Variants in KCNIP4 observed in about 807,000 individuals in gnomAD.
The protein encoded by KCNIP4 is Kv channel-interacting protein 4.
A neutral mutation model predicts 34.0 loss-of-function variants in KCNIP4; 12 were observed. The observed-to-expected ratio is 0.35, with a 90% CI of 0.23 to 0.57. KCNIP4 has a LOEUF of 0.57. KCNIP4 is among the 20% of genes least tolerant of loss of function. The pLI is 0.83. For missense variants in KCNIP4, 238 were observed against 311.7 expected, an observed-to-expected ratio of 0.76 and a Z score of 1.78; for synonymous variants, 124 against 102.2, an observed-to-expected ratio of 1.21 and a Z score of -1.29.
intron 1 of KCNIP4, among the ~76,000 whole-genome samples, chr4:20,989,748 C>T (rs1220769727): frequency 2.0e-5 from 3 of 152,000 alleles, no homozygotes; most frequent in East Asian, 1.9e-4. Context: ...GTGGGTAGAT[C>T]GCTTGAGTTC....
At chr4:21,722,667 G>A (rs1714900918) in intron 1 of KCNIP4, among the ~76,000 whole-genome samples, 1 of 152,080 alleles carries the variant, frequency 6.6e-6, no homozygotes, top group Non-Finnish European at 1.5e-5. Flanking sequence ...AGCAAATTTG[G>A]CAAGATCATA....
At chr4:21,126,492 ACAGAACT>A (rs1019468498) in intron 1 of KCNIP4, among the ~76,000 whole-genome samples, 6 of 152,156 alleles carry the variant, frequency 3.9e-5, no homozygotes, top group Admixed American at 3.9e-4. Flanking sequence ...CCCAACTCAA[ACAGAACT>A]CAGATTTGAG....
chr4:20,821,137 T>C (rs983508688), intron 3 of KCNIP4, among the ~76,000 whole-genome samples: 1 of 152,216 alleles, frequency 6.6e-6, no homozygotes. Flanking sequence ...AACTAAGCCA[T>C]GGACGGGTCT....
intron 1 of KCNIP4, among the ~76,000 whole-genome samples, chr4:20,930,522 A>C (rs1217855919): frequency 6.6e-6 from 1 of 152,090 alleles, no homozygotes; most frequent in Non-Finnish European, 1.5e-5. Context: ...AACTACATCA[A>C]ACTACAAAGT....
chr4:20,729,849 G>GAGTATGAAAT lies in KCNIP4; in HGVS notation c.*223_*232dup. 1 of 400,202 alleles carries GAGTATGAAAT rather than the reference G, an allele frequency of 2.5e-6. No homozygotes were observed. Among genetic ancestry groups the GAGTATGAAAT allele is most frequent in the South Asian group, 9.3e-5 (1 of 10,764 alleles). 24.8% of individuals were successfully genotyped at this position (400,202 alleles called of 1,614,324 possible). A position where few individuals can be genotyped will look rare whatever the true frequency, so the allele number is the denominator to read the frequency against. The stretch of plus-strand genomic sequence containing the variant: ...ATTCTATTACTTTTGAATATTCACA[G>GAGTATGAAAT]AGTATGAAATGAGTTAGACCATCCC... On this transcript the variant is annotated 3_prime_UTR_variant, in exon 9 of 9. Coordinates refer to ENST00000382152, the MANE Select transcript of KCNIP4 (RefSeq NM_025221.6).
chr4:21,905,875 C>T (rs1182280773), intron 1 of KCNIP4, among the ~76,000 whole-genome samples: 3 of 152,098 alleles, frequency 2.0e-5, no homozygotes, highest in Non-Finnish European at 4.4e-5. Context: ...CAGACTCACC[C>T]CATGGGCATT....
chr4:21,106,821 G>A (rs1205355661), intron 1 of KCNIP4, among the ~76,000 whole-genome samples: 1 of 151,566 alleles, frequency 6.6e-6, no homozygotes, highest in Non-Finnish European at 1.5e-5. Context: ...TGGTGTCAAA[G>A]AATATCTTTA....
At chr4:21,869,749 GA>G (rs1725655353) in intron 1 of KCNIP4, among the ~76,000 whole-genome samples, 1 of 149,222 alleles carries the variant, frequency 6.7e-6, no homozygotes, top group Non-Finnish European at 1.5e-5. Context: ...TAGATAGATA[GA>G]TAGATAGATA....
At chr4:20,871,339 A>C (rs1330133275) in intron 2 of KCNIP4, among the ~76,000 whole-genome samples, 3 of 152,136 alleles carry the variant, frequency 2.0e-5, no homozygotes, top group Non-Finnish European at 4.4e-5. Flanking sequence ...GAAGATGTGA[A>C]TATCAGAGTC....
rs190366902 is a variant in KCNIP4, at chr4:21,622,354, G to A, written c.61+326217C>T. ...TGATATGTATAATCAGTTTTTCCATGTGTTTTCTCAACCTTTTGCCTGCCT... is the reference window on the plus strand; with the variant it reads ...TGATATGTATAATCAGTTTTTCCATATGTTTTCTCAACCTTTTGCCTGCCT... On this transcript the variant is annotated intron_variant, in intron 1 of 8. Coordinates refer to ENST00000382152, the MANE Select transcript of KCNIP4 (RefSeq NM_025221.6). Among the ~76,000 whole-genome samples, 949 of 152,204 alleles carry A rather than the reference G, an allele frequency of 6.2e-3. 6 individuals are homozygous for A. Among genetic ancestry groups the A allele is most frequent in the Middle Eastern group, 0.027 (8 of 294 alleles).
intron 1 of KCNIP4, among the ~76,000 whole-genome samples, chr4:21,410,931 C>G (rs571649236): frequency 2.6e-5 from 4 of 151,948 alleles, no homozygotes; most frequent in Admixed American, 6.6e-5. Context: ...ATTGGATGGC[C>G]CACAGACAGA....
At chr4:21,620,688 G>A (rs1054199960) in intron 1 of KCNIP4, among the ~76,000 whole-genome samples, 1 of 152,168 alleles carries the variant, frequency 6.6e-6, no homozygotes, top group Non-Finnish European at 1.5e-5. Flanking sequence ...ATCAGCCCTA[G>A]CTAAGTTTCC....
At position 21,772,600 on chromosome 4, in the gene KCNIP4, A is replaced by G. The variant is rs1405312291; in HGVS notation, c.61+175971T>C. On this transcript the variant is annotated intron_variant, in intron 1 of 8. Transcript: ENST00000382152. The stretch of plus-strand genomic sequence containing the variant: ...GGCTATTAATTACCGCCTCAATTTT[A>G]GAGCTTTTTGTCTCTTCAGGGATTC... 2.0e-5 allele frequency among the ~76,000 whole-genome samples: 3 copies of G among 152,022 alleles called. No individual in the cohort carries two copies. The East Asian group carries it at 5.8e-4, about 29-fold the overall frequency.
intron 1 of KCNIP4, among the ~76,000 whole-genome samples, chr4:21,940,181 T>C (rs1310784735): frequency 6.6e-6 from 1 of 152,180 alleles, no homozygotes; most frequent in African/African-American, 2.4e-5. Flanking sequence ...GTAATGTCTT[T>C]AGGTGACTGA....
intron 2 of KCNIP4, among the ~76,000 whole-genome samples, chr4:20,858,638 C>T (rs1035281746): frequency 1.3e-5 from 2 of 152,164 alleles, no homozygotes; most frequent in Non-Finnish European, 2.9e-5. Context: ...CCAAGCAACT[C>T]TTGGCCAAAT....
intron 1 of KCNIP4, among the ~76,000 whole-genome samples, chr4:21,360,103 A>G (rs1230833055): frequency 6.6e-6 from 1 of 151,974 alleles, no homozygotes; most frequent in Non-Finnish European, 1.5e-5. Context: ...CAAAATTTAA[A>G]CTGTTGTTTC....
intron 1 of KCNIP4, among the ~76,000 whole-genome samples, chr4:21,715,391 A>G (rs756559667): frequency 1.3e-5 from 2 of 152,024 alleles, no homozygotes; most frequent in Non-Finnish European, 2.9e-5. Flanking sequence ...TGGCCTCCCA[A>G]AGTGCTAGGA....
chr4:20,967,842 G>C (rs1259472687), intron 1 of KCNIP4, among the ~76,000 whole-genome samples: 9 of 152,114 alleles, frequency 5.9e-5, no homozygotes, highest in Non-Finnish European at 1.5e-5. Flanking sequence ...AGAAAACCTA[G>C]GCAATACCAT....
chr4:20,941,548 T>G (rs1417819184), intron 1 of KCNIP4, among the ~76,000 whole-genome samples: 1 of 151,678 alleles, frequency 6.6e-6, no homozygotes, highest in Non-Finnish European at 1.5e-5. Flanking sequence ...TTATGATGAT[T>G]GATTATTTAA....
Sources: allele counts gnomAD v4.1 joint callset (sites outside exome capture counted in the v4.1 genomes callset), GRCh38; gene constraint gnomAD v4.1.1; transcripts MANE v1.5; gene names NCBI Gene and HGNC (gene_info 2026-07-23, HGNC 2026-07-21).